The following SDC2 variants were observed in gnomAD, a reference collection of about 807,000 sequenced individuals.
SDC2 encodes syndecan-2.
A neutral mutation model predicts 22.2 loss-of-function variants in SDC2; 13 were observed. That is an observed-to-expected ratio of 0.59 (90% CI 0.38 to 0.93). The LOEUF is 0.93. SDC2 is among the 40% of genes least tolerant of loss of function. SDC2 has a pLI of 0.00. For synonymous variants in SDC2, 94 were observed against 92.8 expected, an observed-to-expected ratio of 1.01 and a Z score of -0.07; for missense variants, 235 against 246.8, an observed-to-expected ratio of 0.95 and a Z score of 0.32.
chr8:96,502,980 G>T (rs536407596), intron 1 of SDC2, among the ~76,000 whole-genome samples: 3 of 152,256 alleles, frequency 2.0e-5, no homozygotes, highest in African/African-American at 7.2e-5. Flanking sequence ...GCATGCTAAG[G>T]CCTACTTTTT....
chr8:96,603,841 G>A (rs1815033214), intron 3 of SDC2, among the ~76,000 whole-genome samples: 1 of 152,214 alleles, frequency 6.6e-6, no homozygotes. Context: ...AAGCCAGGCG[G>A]TAGGAAGGCA....
intron 1 of SDC2, among the ~76,000 whole-genome samples, chr8:96,495,539 C>T (rs1404389053): frequency 6.6e-6 from 1 of 152,140 alleles, no homozygotes; most frequent in Admixed American, 6.5e-5. Flanking sequence ...TGTTTCTGGC[C>T]CTTCTGGTTC....
At chr8:96,514,495 C>T (rs1372645469) in intron 1 of SDC2, among the ~76,000 whole-genome samples, 1 of 152,172 alleles carries the variant, frequency 6.6e-6, no homozygotes, top group Non-Finnish European at 1.5e-5. Flanking sequence ...ACCTTGATCA[C>T]CCATGACCCA....
At chr8:96,580,776 A>T (rs773999641) in intron 1 of SDC2, among the ~76,000 whole-genome samples, 20 of 152,200 alleles carry the variant, frequency 1.3e-4, no homozygotes, top group Non-Finnish European at 2.6e-4. Flanking sequence ...CGGGGTGCTC[A>T]TTGCCATTGG....
intron 1 of SDC2, among the ~76,000 whole-genome samples, chr8:96,571,624 T>C (rs1243366716): frequency 6.6e-6 from 1 of 152,248 alleles, no homozygotes; most frequent in Non-Finnish European, 1.5e-5. Flanking sequence ...CCTTGCTTTC[T>C]AATTATTTGC....
chr8:96,532,240 A>C (rs1235998791), intron 1 of SDC2, among the ~76,000 whole-genome samples: 1 of 152,170 alleles, frequency 6.6e-6, no homozygotes, highest in African/African-American at 2.4e-5. Context: ...AGCTGCCATG[A>C]GTTGTCATTG....
At chr8:96,596,275 T>C (rs1229809509) in intron 2 of SDC2, among the ~76,000 whole-genome samples, 1 of 152,174 alleles carries the variant, frequency 6.6e-6, no homozygotes, top group Non-Finnish European at 1.5e-5. Flanking sequence ...AAACCCCTTC[T>C]AGAATTACCC....
Position 96,509,158 on chromosome 8 carries a change from T to C in SDC2, c.60+14827T>C, listed in dbSNP as rs1336723708. 1.4e-5 allele frequency among the ~76,000 whole-genome samples: 2 copies of C among 142,214 alleles called. 1 individual carries two copies. Among genetic ancestry groups the C allele is most frequent in the African/African-American group, 5.0e-5 (2 of 39,864 alleles). The allele number at this position is 142,214 out of a possible 152,430, so 93.3% of individuals were successfully genotyped here. A position where few individuals can be genotyped will look rare whatever the true frequency, so the allele number is the denominator to read the frequency against. ...GGACTTGGGCAGGTGATTTAACCTC[T>C]CTATGCTTCCATTTTCACATCTGTA... On this transcript the variant is annotated intron_variant, in intron 1 of 4. Transcript: ENST00000302190.
intron 1 of SDC2, among the ~76,000 whole-genome samples, chr8:96,561,789 A>G (rs951456133): frequency 1.3e-5 from 2 of 152,228 alleles, no homozygotes; most frequent in Non-Finnish European, 2.9e-5. Context: ...TGGAAAGGGG[A>G]GAAAAGAAAT....
intron 1 of SDC2, among the ~76,000 whole-genome samples, chr8:96,583,050 T>C (rs1027848198): frequency 1.2e-4 from 15 of 130,300 alleles, no homozygotes; most frequent in Non-Finnish European, 2.1e-4. Context: ...GGCATTTTTC[T>C]GAAGTGTGAT....
chr8:96,549,667 T>G (rs1813995310), intron 1 of SDC2, among the ~76,000 whole-genome samples: 1 of 152,250 alleles, frequency 6.6e-6, no homozygotes, highest in Admixed American at 6.5e-5. Context: ...AATGTGGTTC[T>G]GTAAGTCTTC....
intron 1 of SDC2, among the ~76,000 whole-genome samples, chr8:96,534,783 C>T (rs145385147): frequency 1.1e-3 from 162 of 152,050 alleles, no homozygotes; most frequent in Non-Finnish European, 2.0e-3. Flanking sequence ...TCTCCCGCTG[C>T]CCTTCTCCCC....
At chr8:96,530,431 C>A (rs899277025) in intron 1 of SDC2, among the ~76,000 whole-genome samples, 7 of 152,084 alleles carry the variant, frequency 4.6e-5, no homozygotes, top group Admixed American at 4.6e-4. Context: ...ATCAGGAGTT[C>A]GAGATCAGCC....
At chr8:96,524,742 T>C (rs1167801820) in intron 1 of SDC2, among the ~76,000 whole-genome samples, 1 of 152,216 alleles carries the variant, frequency 6.6e-6, no homozygotes, top group Non-Finnish European at 1.5e-5. Context: ...TCCTTTTTTC[T>C]CCTTTCCAAT....
intron 1 of SDC2, among the ~76,000 whole-genome samples, chr8:96,500,163 C>T (rs898549257): frequency 6.6e-6 from 1 of 152,102 alleles, no homozygotes; most frequent in Non-Finnish European, 1.5e-5. Flanking sequence ...ATTGATGTAA[C>T]GTCTTGACAC....
chr8:96,601,916 G>A (rs957786931), intron 2 of SDC2, among the ~76,000 whole-genome samples: 1 of 150,206 alleles, frequency 6.7e-6, no homozygotes, highest in African/African-American at 2.5e-5. Context: ...GCGCCGCCAC[G>A]CCCAGCTAAA....
intron 1 of SDC2, among the ~76,000 whole-genome samples, chr8:96,558,029 T>C (rs1563660794): frequency 6.6e-6 from 1 of 152,096 alleles, no homozygotes; most frequent in Non-Finnish European, 1.5e-5. Flanking sequence ...AAGCCCATAA[T>C]TGGTACACAT....
At chr8:96,527,376 C>T (rs1355097041) in intron 1 of SDC2, among the ~76,000 whole-genome samples, 2 of 152,192 alleles carry the variant, frequency 1.3e-5, no homozygotes, top group African/African-American at 2.4e-5. Context: ...ACTCCTAATC[C>T]TCTCCCTGCC....
At chr8:96,497,401 T>C (rs1813092963) in intron 1 of SDC2, among the ~76,000 whole-genome samples, 1 of 152,216 alleles carries the variant, frequency 6.6e-6, no homozygotes, top group South Asian at 2.1e-4. Flanking sequence ...AAGATCAGGC[T>C]TGCAGAAAAT....
Sources: gnomAD v4.1 joint callset for allele counts (sites outside exome capture counted in the v4.1 genomes callset) on GRCh38, gnomAD v4.1.1 for gene constraint, MANE v1.5 for transcripts, NCBI Gene and HGNC (gene_info 2026-07-23, HGNC 2026-07-21) for gene names.